Variants in TRAPPC6A observed in about 807,000 individuals in gnomAD.
TRAPPC6A encodes trafficking protein particle complex subunit 6A.
In TRAPPC6A, 25 loss-of-function variants were observed where a neutral mutation model predicts 20.8. The ratio of observed to expected loss-of-function variants is 1.20; its 90% CI spans 0.88 to 1.68. The LOEUF (loss-of-function observed/expected upper bound fraction) is 1.68, where lower values mean the gene tolerates loss of function less well. TRAPPC6A is among the 40% of genes most tolerant of loss of function. The probability of loss-of-function intolerance (pLI) is 0.00; values close to 1 mark genes in which losing one functional copy is unlikely to be tolerated. For synonymous variants in TRAPPC6A, 96 were observed against 93.3 expected (o/e 1.03, Z -0.16); for missense variants, 215 against 211.6 (o/e 1.02, Z -0.10).
At chr19:45,175,540 G>C (rs1343233537) in intron 1 of TRAPPC6A, among the ~76,000 whole-genome samples, 1 of 152,160 alleles carries the variant, frequency 6.6e-6, no homozygotes, top group Non-Finnish European at 1.5e-5. Context: ...TTTGACTGGG[G>C]GCTCAGGGAA....
chr19:45,167,897 C>T (rs1478315660), intron 1 of TRAPPC6A, among the ~76,000 whole-genome samples: 1 of 151,816 alleles, frequency 6.6e-6, no homozygotes, highest in African/African-American at 2.4e-5. Context: ...ACTTGGGAAG[C>T]TGAGGCAGGA....
At chr19:45,177,978 G>A (rs1484344470) in intron 1 of TRAPPC6A, 157 bp downstream of exon 1, 19 of 1,389,596 alleles carry the variant, frequency 1.4e-5, no homozygotes, top group Non-Finnish European at 1.8e-5. Context: ...GCACCGTCGC[G>A]AACGCCACTT....
chr19:45,165,280 A>G, intron 1 of TRAPPC6A, 86 bp from the exon 2 acceptor site: 3 of 1,301,870 alleles, frequency 2.3e-6, no homozygotes, highest in South Asian at 2.5e-5. Flanking sequence ...AGGGGACCCA[A>G]AGACCAACTT....
At chr19:45,171,310 A>T (rs990753856) in intron 1 of TRAPPC6A, among the ~76,000 whole-genome samples, 1,599 of 151,926 alleles carry the variant, frequency 0.011, 34 homozygotes, top group African/African-American at 0.037. Context: ...ACAAAACAAA[A>T]CAAAACAAAA....
intron 1 of TRAPPC6A, among the ~76,000 whole-genome samples, chr19:45,166,191 C>T (rs974980685): frequency 2.6e-5 from 4 of 151,828 alleles, no homozygotes; most frequent in Non-Finnish European, 1.5e-5. Context: ...GGATTACAGG[C>T]GTGAGCCACC....
chr19:45,173,770 G>A lies in TRAPPC6A; in HGVS notation c.84+4365C>T, dbSNP rs1227185139. On this transcript the variant is annotated intron_variant, in intron 1 of 5. Coordinates refer to ENST00000585934, the MANE Select transcript of TRAPPC6A (RefSeq NM_001270891.2). This position sits in a 1 kb window ranked among gnomAD's most constrained non-coding sequence, Gnocchi z 4.8. ...TCTCATGACAGGCCCCCTGAAAAAC[G>A]GGGCTCCCCAGGAGGAAGGAGTGAG... 3.3e-5 allele frequency among the ~76,000 whole-genome samples: 5 copies of A among 152,158 alleles called. No individual in the cohort carries two copies. Among genetic ancestry groups the A allele is most frequent in the South Asian group, 4.1e-4 (2 of 4,832 alleles).
At chr19:45,167,605 C>T (rs1969183007) in intron 1 of TRAPPC6A, among the ~76,000 whole-genome samples, 1 of 152,208 alleles carries the variant, frequency 6.6e-6, no homozygotes, top group South Asian at 2.1e-4. Context: ...GCCTCAGCCT[C>T]CCCAGTAGCT....
chr19:45,164,536 T>C (rs1026030271), intron 3 of TRAPPC6A, among the ~76,000 whole-genome samples: 3 of 152,118 alleles, frequency 2.0e-5, no homozygotes, highest in East Asian at 3.9e-4. Context: ...AGGTACAGCC[T>C]GGGTGTCACT....
chr19:45,168,570 A>C (rs1014519805), intron 1 of TRAPPC6A, among the ~76,000 whole-genome samples: 2 of 152,252 alleles, frequency 1.3e-5, no homozygotes, highest in African/African-American at 4.8e-5. Flanking sequence ...GCACCAGCAC[A>C]GGGAGAACCC....
chr19:45,168,340 C>A (rs576034830), intron 1 of TRAPPC6A, among the ~76,000 whole-genome samples: 32 of 152,314 alleles, frequency 2.1e-4, no homozygotes, highest in African/African-American at 6.0e-4. Context: ...AAACAAAAAA[C>A]CAGTAAGACA....
chr19:45,175,567 G>A (rs1178641625), intron 1 of TRAPPC6A, among the ~76,000 whole-genome samples: 1 of 152,106 alleles, frequency 6.6e-6, no homozygotes, highest in Non-Finnish European at 1.5e-5. Flanking sequence ...CCTGAGGAAG[G>A]GATTGTTACG....
Position 45,163,258 on chromosome 19 carries a change from G to C in TRAPPC6A, c.449-35C>G. The C allele has an allele frequency of 1.2e-6, 2 of 1,612,900 alleles. No individual in the cohort carries two copies. The highest frequency in any genetic ancestry group is 1.7e-6 in the Non-Finnish European group (2 of 1,179,282). On this transcript the variant is annotated intron_variant, in intron 5 of 5. Transcript: ENST00000585934. The surrounding 1 kb of genome is among the most constrained non-coding windows in gnomAD (Gnocchi z 5.3). ...AAGGCCTGGCTTAGGCTTGAGGATG[G>C]GATGGGGGAGGCAGAGGGCACCTGG...
At chr19:45,168,679 C>G (rs12463327) in intron 1 of TRAPPC6A, among the ~76,000 whole-genome samples, 3 of 152,188 alleles carry the variant, frequency 2.0e-5, no homozygotes, top group Non-Finnish European at 4.4e-5. Context: ...GTGTGGCAGG[C>G]GTTTTCTACA....
At chr19:45,176,337 A>G (rs1347506173) in intron 1 of TRAPPC6A, among the ~76,000 whole-genome samples, 1 of 151,106 alleles carries the variant, frequency 6.6e-6, no homozygotes, top group Non-Finnish European at 1.5e-5. Flanking sequence ...GGTGGCAGGC[A>G]CCTGTAGTCC....
chr19:45,168,482 G>C (rs1199306656), intron 1 of TRAPPC6A, among the ~76,000 whole-genome samples: 1 of 152,104 alleles, frequency 6.6e-6, no homozygotes, highest in East Asian at 1.9e-4. Flanking sequence ...CACTCACACT[G>C]GGCCCACGGA....
In TRAPPC6A at chr19:45,163,890, G is replaced by A. The variant is rs1396480187; in HGVS notation, c.448+26C>T. ...CCCCCAGCAACTCAAGGGATGAGAA[G>A]AATCCCCCCACCCCCCATGACTCAC... On this transcript the variant is annotated intron_variant, in intron 5 of 5. Transcript: ENST00000585934. This position sits in a 1 kb window ranked among gnomAD's most constrained non-coding sequence, Gnocchi z 5.3. The A allele has an allele frequency of 6.5e-7, 1 of 1,547,800 alleles. No individual in the cohort carries two copies. Among genetic ancestry groups the A allele is most frequent in the East Asian group, 2.4e-5 (1 of 42,140 alleles).
rs908242674 is a variant in TRAPPC6A at position 45,164,662 on chromosome 19, A to G, written c.270+191T>C. The G allele has an allele frequency of 1.5e-5, 9 of 614,308 alleles. No individual in the cohort carries two copies. In the African/African-American group the frequency reaches 1.5e-4, roughly 10 times the overall value. 38.1% of individuals were successfully genotyped at this position (614,308 alleles called of 1,614,324 possible). ...CTGGTAGGCTGGAGAAGTTCCGGAA[A>G]CACCCCCTATGCCCCAGCGCAGCCT... On this transcript the variant is annotated intron_variant, in intron 3 of 5. Coordinates refer to ENST00000585934, the MANE Select transcript of TRAPPC6A (RefSeq NM_001270891.2).
At position 45,163,013 on chromosome 19, in the gene TRAPPC6A, A is replaced by G. The variant is rs1969041834; in HGVS notation, c.*179T>C. 1.1e-5 allele frequency: 7 copies of G among 621,408 alleles called. No homozygotes were observed. In the South Asian group the frequency reaches 1.5e-4, roughly 13 times the overall value. 38.5% of individuals were successfully genotyped at this position (621,408 alleles called of 1,614,324 possible). On this transcript the variant is annotated 3_prime_UTR_variant, in exon 6 of 6. Coordinates refer to ENST00000585934, the MANE Select transcript of TRAPPC6A (RefSeq NM_001270891.2). The surrounding 1 kb of genome is among the most constrained non-coding windows in gnomAD (Gnocchi z 5.3). Reference sequence around the variant, plus strand: ...GGAATCCCACCACAGTCCTGACCGCAGCTGGGACCCCTTTGCCTCCTCTGA... The same window carrying G: ...GGAATCCCACCACAGTCCTGACCGCGGCTGGGACCCCTTTGCCTCCTCTGA...
intron 1 of TRAPPC6A, among the ~76,000 whole-genome samples, chr19:45,168,255 G>A (rs140389197): frequency 0.012 from 1,846 of 151,938 alleles, 41 homozygotes; most frequent in African/African-American, 0.042. Flanking sequence ...CACCCACCTC[G>A]GCCTCCCAAA....
Sources: allele counts gnomAD v4.1 joint callset (sites outside exome capture counted in the v4.1 genomes callset), GRCh38; gene constraint gnomAD v4.1.1; non-coding constraint Gnocchi (gnomAD v3.1); transcripts MANE v1.5; gene names NCBI Gene and HGNC (gene_info 2026-07-23, HGNC 2026-07-21).